The following IGSF21 variants were observed in gnomAD, a reference collection of about 807,000 sequenced individuals.
IGSF21 encodes immunoglobin superfamily member 21.
IGSF21 carries 28 observed loss-of-function variants against 46.8 expected under a neutral mutation model. That is an observed-to-expected ratio of 0.60 (90% CI 0.44 to 0.82). The LOEUF is 0.82. Among genes scored for constraint, IGSF21 ranks in the 40% least tolerant of loss-of-function variants. IGSF21 has a pLI of 0.00. For synonymous variants in IGSF21, 284 were observed against 273.6 expected (o/e 1.04, Z -0.38); for missense variants, 624 against 665.5 (o/e 0.94, Z 0.69).
chr1:18,353,836 G>A (rs539132), intron 4 of IGSF21, among the ~76,000 whole-genome samples: 131,877 of 152,222 alleles, frequency 0.87, 57,216 homozygotes, highest in Non-Finnish European at 0.9. Flanking sequence ...CAAGGTGTAA[G>A]GGTTGGAGAA....
intron 5 of IGSF21, among the ~76,000 whole-genome samples, chr1:18,362,443 A>G (rs975018490): frequency 6.6e-6 from 1 of 152,172 alleles, no homozygotes; most frequent in East Asian, 1.9e-4. Context: ...CCATGCTGAG[A>G]ACCCCCACTT....
At chr1:18,304,657 A>G (rs1346884585) in intron 3 of IGSF21, among the ~76,000 whole-genome samples, 2 of 151,956 alleles carry the variant, frequency 1.3e-5, no homozygotes, top group Non-Finnish European at 2.9e-5. Flanking sequence ...AATCATTTCT[A>G]TGTCTGCAGT....
intron 1 of IGSF21, among the ~76,000 whole-genome samples, chr1:18,147,204 T>C (rs1445411640): frequency 1.3e-5 from 2 of 152,176 alleles, no homozygotes; most frequent in Non-Finnish European, 2.9e-5. Flanking sequence ...ATCCAGTCGC[T>C]TCCGGGCTTG....
rs1177897489 is a variant in IGSF21, at chr1:18,108,184, T to A, written c.56T>A (p.Leu19Gln). 6.9e-7 allele frequency: 1 copy of A among 1,440,310 alleles called. No homozygotes were observed. Among genetic ancestry groups the A allele is most frequent in the Non-Finnish European group, 9.1e-7 (1 of 1,099,058 alleles). The allele number at this position is 1,440,310 out of a possible 1,614,324, so 89.2% of individuals were successfully genotyped here. ...RCVCLLLAAILDLARGYLTVN... is the reference protein window; with the variant it reads ...RCVCLLLAAIQDLARGYLTVN... Reference sequence around the variant, plus strand: ...GTCTGCCTGCTGCTCGCCGCGATCCTGGACCTGGCGCGCGGTGAGTGCGCG... The same window carrying A: ...GTCTGCCTGCTGCTCGCCGCGATCCAGGACCTGGCGCGCGGTGAGTGCGCG... Residue 19 changes from leucine to glutamine, a missense_variant, in exon 1 of 10, where the codon CTG (leucine) becomes CAG (glutamine). By Grantham distance (113) the Leu-to-Gln change is moderately radical (BLOSUM62 -2). Coordinates refer to ENST00000251296, the MANE Select transcript of IGSF21 (RefSeq NM_032880.5).
intron 2 of IGSF21, among the ~76,000 whole-genome samples, chr1:18,260,142 C>G (rs1471883528): frequency 1.3e-5 from 2 of 152,206 alleles, no homozygotes; most frequent in Non-Finnish European, 2.9e-5. Flanking sequence ...CTCCTCATGG[C>G]TGGAGAAGCA....
chr1:18,191,132 C>T lies in IGSF21; in HGVS notation c.71-36766C>T, dbSNP rs570805556. On this transcript the variant is annotated intron_variant, in intron 1 of 9. Transcript: ENST00000251296. ...CAGAACTGCATCAATGTCAGTGGCC[C>T]CCTCACCCATTCCTCGTTAAGCACC... Among the ~76,000 whole-genome samples the T allele has an allele frequency of 2.0e-5, 3 of 152,284 alleles. No homozygotes were observed. In the East Asian group the frequency reaches 5.8e-4, roughly 29 times the overall value.
At chr1:18,285,872 C>T (rs1285758054) in intron 2 of IGSF21, among the ~76,000 whole-genome samples, 1 of 152,182 alleles carries the variant, frequency 6.6e-6, no homozygotes, top group African/African-American at 2.4e-5. Flanking sequence ...GGGTAGGCGC[C>T]AATGTATGCC....
chr1:18,296,017 C>T (rs2085309110), intron 3 of IGSF21, among the ~76,000 whole-genome samples: 1 of 152,134 alleles, frequency 6.6e-6, no homozygotes, highest in South Asian at 2.1e-4. Context: ...TGCTCCTTGG[C>T]CCCTTGGGGG....
intron 1 of IGSF21, among the ~76,000 whole-genome samples, chr1:18,180,810 C>T (rs940209145): frequency 2.0e-5 from 3 of 152,206 alleles, no homozygotes; most frequent in African/African-American, 7.2e-5. Context: ...GTATTATCCC[C>T]ACTTCACAGA....
intron 2 of IGSF21, among the ~76,000 whole-genome samples, chr1:18,277,931 G>A (rs974272121): frequency 6.6e-6 from 1 of 152,210 alleles, no homozygotes; most frequent in Non-Finnish European, 1.5e-5. Flanking sequence ...ATCCTGAGAA[G>A]GGCTCAGCTT....
chr1:18,296,004 G>A (rs1037242198), intron 3 of IGSF21, among the ~76,000 whole-genome samples: 7 of 152,232 alleles, frequency 4.6e-5, no homozygotes, highest in Non-Finnish European at 2.9e-5. Context: ...GCAGTTCTGG[G>A]TATGCTCCTT....
At chr1:18,137,271 T>A (rs1570257256) in intron 1 of IGSF21, among the ~76,000 whole-genome samples, 1 of 152,098 alleles carries the variant, frequency 6.6e-6, no homozygotes, top group Non-Finnish European at 1.5e-5. Context: ...TAGTACCAAC[T>A]TGGGATGGTG....
At chr1:18,356,443 C>T (rs925053508) in intron 4 of IGSF21, among the ~76,000 whole-genome samples, 4 of 152,276 alleles carry the variant, frequency 2.6e-5, no homozygotes, top group South Asian at 2.1e-4. Flanking sequence ...CAGGGGTCTT[C>T]GTTGATGATT....
chr1:18,351,558 G>C (rs1440206394), intron 4 of IGSF21, among the ~76,000 whole-genome samples: 2 of 152,184 alleles, frequency 1.3e-5, no homozygotes, highest in Admixed American at 1.3e-4. Flanking sequence ...TGCTCTCTGG[G>C]GGGAGGACGG....
intron 1 of IGSF21, among the ~76,000 whole-genome samples, chr1:18,194,493 C>A (rs1255334153): frequency 6.6e-6 from 1 of 152,178 alleles, no homozygotes; most frequent in Non-Finnish European, 1.5e-5. Flanking sequence ...TCTGCCTCTT[C>A]CAGCTTCTGG....
chr1:18,295,020 A>G (rs901062233), intron 3 of IGSF21, among the ~76,000 whole-genome samples: 2 of 152,206 alleles, frequency 1.3e-5, no homozygotes, highest in African/African-American at 2.4e-5. Flanking sequence ...TAGGGAGAGA[A>G]TGAGACTGAG....
chr1:18,244,585 C>T (rs1396411054), intron 2 of IGSF21, among the ~76,000 whole-genome samples: 5 of 152,306 alleles, frequency 3.3e-5, no homozygotes, highest in East Asian at 3.9e-4. Context: ...CTGTGCCATA[C>T]GTAGAGCCTG....
intron 2 of IGSF21, among the ~76,000 whole-genome samples, chr1:18,264,177 C>T (rs953105676): frequency 6.6e-5 from 10 of 152,160 alleles, no homozygotes; most frequent in Non-Finnish European, 1.3e-4. Context: ...CAGTCCCCTC[C>T]TTCTGTATGA....
intron 2 of IGSF21, among the ~76,000 whole-genome samples, chr1:18,252,050 T>TTG (rs1299738264): frequency 3.8e-5 from 5 of 132,096 alleles, no homozygotes; most frequent in East Asian, 4.5e-4. Flanking sequence ...AAGGCGTTTT[T>TTG]TTTTTTTTTT....
Sources: allele counts gnomAD v4.1 joint callset (sites outside exome capture counted in the v4.1 genomes callset), GRCh38; gene constraint gnomAD v4.1.1; transcripts MANE v1.5; gene names NCBI Gene and HGNC (gene_info 2026-07-23, HGNC 2026-07-21).